Variants in BMPR1A observed in about 807,000 individuals in gnomAD.
The protein encoded by BMPR1A is bone morphogenetic protein receptor type-1A.
A neutral mutation model predicts 66.0 loss-of-function variants in BMPR1A; 7 were observed. That is an observed-to-expected ratio of 0.11 (90% confidence interval 0.06 to 0.20). The LOEUF (loss-of-function observed/expected upper bound fraction) is 0.20, where lower values mean the gene tolerates loss of function less well. Among genes scored for constraint, BMPR1A ranks in the 10% least tolerant of loss-of-function variants. The pLI, the probability that BMPR1A is intolerant of heterozygous loss-of-function variation, is 1.00. For synonymous variants in BMPR1A, 200 were observed against 229.7 expected (o/e 0.87, Z 1.17); for missense variants, 408 against 669.1 (o/e 0.61, Z 4.31).
At chr10:86,890,519 C>T (rs932808420) in intron 4 of BMPR1A, among the ~76,000 whole-genome samples, 4 of 151,768 alleles carry the variant, frequency 2.6e-5, no homozygotes, top group African/African-American at 9.7e-5. Flanking sequence ...TATTGATGCT[C>T]ATTTTAGAAA....
chr10:86,819,640 T>G (rs1329880001), intron 1 of BMPR1A, among the ~76,000 whole-genome samples: 1 of 152,192 alleles, frequency 6.6e-6, no homozygotes, highest in East Asian at 1.9e-4. Flanking sequence ...TATTGTCAAA[T>G]TAGAAATTTA....
rs1332479141 is a variant in BMPR1A, at chr10:86,805,461, C to CTTTTTTT, written c.-267-33392_-267-33386dup. 6.4e-5 allele frequency among the ~76,000 whole-genome samples: 7 copies of CTTTTTTT among 109,050 alleles called. 1 individual carries two copies. Among genetic ancestry groups the CTTTTTTT allele is most frequent in the African/African-American group, 6.7e-5 (2 of 29,910 alleles). The allele number at this position is 109,050 out of a possible 152,430, so 71.5% of individuals were successfully genotyped here. On this transcript the variant is annotated intron_variant, in intron 1 of 12. Coordinates refer to ENST00000372037, the MANE Select transcript of BMPR1A (RefSeq NM_004329.3). ...CCTTTACCCTTACTATTTCAGTTTC[C>CTTTTTTT]TTTTTTTTTTTTTTTTTTGAGACGG...
intron 2 of BMPR1A, among the ~76,000 whole-genome samples, chr10:86,857,654 G>T (rs554228181): frequency 6.6e-6 from 1 of 151,834 alleles, no homozygotes; most frequent in South Asian, 2.1e-4. Flanking sequence ...CTCACATGGT[G>T]GTTGGCAGGA....
chr10:86,758,723 G>A (rs555163924), intron 1 of BMPR1A, among the ~76,000 whole-genome samples: 39 of 152,218 alleles, frequency 2.6e-4, no homozygotes, highest in African/African-American at 9.2e-4. Flanking sequence ...TGCTTTTCCT[G>A]CCTTTGCCTG....
chr10:86,892,115 T>C lies in BMPR1A; in HGVS notation c.231-12T>C, dbSNP rs1322551472. ...TTTATGTTTTGTTTTGTTTTGTTTTTTTCTGTTTTAGAACTAATGGACATT... is the reference window on the plus strand; with the variant it reads ...TTTATGTTTTGTTTTGTTTTGTTTTCTTCTGTTTTAGAACTAATGGACATT... On this transcript the variant is annotated splice_polypyrimidine_tract_variant and intron_variant, in intron 4 of 12. Transcript: ENST00000372037. 3 of 1,603,022 alleles carry C rather than the reference T, an allele frequency of 1.9e-6. No individual in the cohort carries two copies. The highest frequency in any genetic ancestry group is 1.1e-5 in the South Asian group (1 of 90,862).
At chr10:86,881,564 A>G (rs1325530918) in intron 3 of BMPR1A, among the ~76,000 whole-genome samples, 1 of 152,224 alleles carries the variant, frequency 6.6e-6, no homozygotes, top group Non-Finnish European at 1.5e-5. Flanking sequence ...TTCAGCGCTC[A>G]ATAGACACAT....
chr10:86,803,606 T>C (rs1252551815), intron 1 of BMPR1A, among the ~76,000 whole-genome samples: 1 of 152,234 alleles, frequency 6.6e-6, no homozygotes, highest in Non-Finnish European at 1.5e-5. Context: ...CACTCTTTAT[T>C]GATTTGAGAT....
intron 7 of BMPR1A, 34 bp from the exon 8 acceptor site, chr10:86,912,206 T>C: frequency 1.2e-6 from 2 of 1,610,552 alleles, no homozygotes; most frequent in South Asian, 2.2e-5. Flanking sequence ...AGTTTTTCAT[T>C]TTTAATGTAG....
At chr10:86,866,278 C>A (rs1187675950) in intron 2 of BMPR1A, among the ~76,000 whole-genome samples, 1 of 134,432 alleles carries the variant, frequency 7.4e-6, no homozygotes, top group East Asian at 2.2e-4. Flanking sequence ...ACAGTACTTT[C>A]TGTTTTTTAA....
At position 86,837,247 on chromosome 10, in the gene BMPR1A, C is replaced by CTGTGTGTGTGTGTGTCTGTGTG. The variant is rs566199959; in HGVS notation, c.-267-1603_-267-1602insCTGTGTGTGTGTGTGTGTGTGT. Among the ~76,000 whole-genome samples, 627 of 138,206 alleles carry CTGTGTGTGTGTGTGTCTGTGTG rather than the reference C, an allele frequency of 4.5e-3. 6 individuals carry two copies. Among genetic ancestry groups the CTGTGTGTGTGTGTGTCTGTGTG allele is most frequent in the African/African-American group, 0.015 (551 of 36,690 alleles). 90.7% of individuals were successfully genotyped at this position (138,206 alleles called of 152,430 possible). ...AGAATCAGGCTGTGTGTGTGTGTGT[C>CTGTGTGTGTGTGTGTCTGTGTG]TGTGTGTGTGTGTGTGTGTGTGTGT... On this transcript the variant is annotated intron_variant, in intron 1 of 12. Transcript: ENST00000372037.
At chr10:86,797,036 C>G (rs954117607) in intron 1 of BMPR1A, among the ~76,000 whole-genome samples, 10 of 149,738 alleles carry the variant, frequency 6.7e-5, no homozygotes, top group Non-Finnish European at 1.3e-4. Context: ...CCAGTTTATA[C>G]TCTTATTTTT....
intron 1 of BMPR1A, among the ~76,000 whole-genome samples, chr10:86,819,109 C>T (rs937850357): frequency 2.6e-5 from 4 of 152,108 alleles, no homozygotes; most frequent in African/African-American, 7.2e-5. Flanking sequence ...ATCTTATATT[C>T]TTATTTCCGT....
Position 86,790,181 on chromosome 10 carries a change from AAAAAAAAATATATATATAT to A in BMPR1A, c.-268+33264_-268+33282del, listed in dbSNP as rs1320560631. Among the ~76,000 whole-genome samples, 6 of 42,382 alleles carry A rather than the reference AAAAAAAAATATATATATAT, an allele frequency of 1.4e-4. 1 individual carries two copies. Among genetic ancestry groups the A allele is most frequent in the African/African-American group, 8.5e-4 (6 of 7,040 alleles). The allele number at this position is 42,382 out of a possible 152,430, so 27.8% of individuals were successfully genotyped here. A position where few individuals can be genotyped will look rare whatever the true frequency, so the allele number is the denominator to read the frequency against. ...TGTCTCCAAAAAAAAAAAAAAAAAA[AAAAAAAAATATATATATAT>A]ATATATATATATATATATATATATA... On this transcript the variant is annotated intron_variant, in intron 1 of 12. Transcript: ENST00000372037.
chr10:86,910,073 CTG>C (rs1361081120), intron 7 of BMPR1A, among the ~76,000 whole-genome samples: 1 of 152,174 alleles, frequency 6.6e-6, no homozygotes, highest in African/African-American at 2.4e-5. Context: ...TGGCACACAT[CTG>C]TAATCCCAGC....
intron 3 of BMPR1A, among the ~76,000 whole-genome samples, chr10:86,887,766 T>C (rs1040492832): frequency 1.3e-5 from 2 of 152,232 alleles, no homozygotes; most frequent in Non-Finnish European, 2.9e-5. Flanking sequence ...ACGTGTCTTC[T>C]GTTAATGTAA....
intron 1 of BMPR1A, among the ~76,000 whole-genome samples, chr10:86,766,617 C>CTTTTTTTTTTTTT (rs71019427): frequency 6.1e-5 from 8 of 131,298 alleles, no homozygotes; most frequent in African/African-American, 1.9e-4. Flanking sequence ...TCATATCAGT[C>CTTTTTTTTTTTTT]TTTTTTTTTT....
chr10:86,791,701 C>CTCCT, intron 1 of BMPR1A, among the ~76,000 whole-genome samples: 1 of 104,200 alleles, frequency 9.6e-6, no homozygotes, highest in Admixed American at 9.5e-5. Context: ...CCCTCCCTCC[C>CTCCT]TCCCTCCCTC....
At chr10:86,780,451 T>C (rs1240046162) in intron 1 of BMPR1A, among the ~76,000 whole-genome samples, 1 of 152,220 alleles carries the variant, frequency 6.6e-6, no homozygotes, top group Non-Finnish European at 1.5e-5. Flanking sequence ...TCTTTTTTTT[T>C]TGAGACGGAG....
rs931647871 is a variant in BMPR1A at position 86,783,703 on chromosome 10, C to T, written c.-268+26784C>T. ...TGCTGGGCTCAAGAGATCCTCCTGC[C>T]TCAGCCTTCCGCGTAGCTGGGACTA... On this transcript the variant is annotated intron_variant, in intron 1 of 12. Coordinates refer to ENST00000372037, the MANE Select transcript of BMPR1A (RefSeq NM_004329.3). Among the ~76,000 whole-genome samples the T allele has an allele frequency of 2.6e-5, 4 of 152,232 alleles. No individual in the cohort carries two copies. The South Asian group carries it at 6.2e-4, about 24-fold the overall frequency.
Sources: allele counts gnomAD v4.1 joint callset (sites outside exome capture counted in the v4.1 genomes callset), GRCh38; gene constraint gnomAD v4.1.1; transcripts MANE v1.5; gene names NCBI Gene and HGNC (gene_info 2026-07-23, HGNC 2026-07-21).